Variants in PLCE1 observed in about 807,000 individuals in gnomAD.
PLCE1 encodes 1-phosphatidylinositol 4,5-bisphosphate phosphodiesterase epsilon-1.
PLCE1 carries 119 observed loss-of-function variants against 242.8 expected under a neutral mutation model. That is an observed-to-expected ratio of 0.49 (90% CI 0.42 to 0.57). The LOEUF is 0.57. PLCE1 is among the 20% of genes least tolerant of loss of function. The pLI is 0.00. For synonymous variants in PLCE1, 945 were observed against 1,017.4 expected (o/e 0.93, Z 1.35); for missense variants, 2,441 against 2,788.8 (o/e 0.88, Z 2.81).
chr10:94,047,391 T>G (rs944935570), intron 2 of PLCE1, among the ~76,000 whole-genome samples: 4 of 152,188 alleles, frequency 2.6e-5, no homozygotes, highest in Non-Finnish European at 1.5e-5. Flanking sequence ...GACCACCGTT[T>G]TCTTTCACAG....
intron 8 of PLCE1, among the ~76,000 whole-genome samples, 186 bp from the exon 9 acceptor site, chr10:94,252,130 G>T (rs1269442294): frequency 6.6e-6 from 1 of 152,212 alleles, no homozygotes; most frequent in Non-Finnish European, 1.5e-5. Context: ...GACAACGGGG[G>T]ACATGATGAA....
intron 4 of PLCE1, among the ~76,000 whole-genome samples, chr10:94,201,759 G>A (rs577126145): frequency 3.3e-5 from 5 of 152,262 alleles, no homozygotes; most frequent in Admixed American, 1.3e-4. Flanking sequence ...GATTACAGGC[G>A]TGAGCCACCA....
At position 94,316,644 on chromosome 10, in the gene PLCE1, A is replaced by G; in HGVS notation, c.6230A>G (p.Lys2077Arg). 6.2e-7 allele frequency: 1 copy of G among 1,611,450 alleles called. No homozygotes were observed. Among genetic ancestry groups the G allele is most frequent in the Non-Finnish European group, 8.5e-7 (1 of 1,177,512 alleles). Residue 2077 changes from lysine (K) to arginine (R), a missense_variant, in exon 29 of 33, where the codon AAA (lysine) becomes AGA (arginine). Physicochemically the swap from Lys to Arg is conservative, Grantham distance 26. Coordinates refer to ENST00000371380, the MANE Select transcript of PLCE1 (RefSeq NM_016341.4). ...FISKEKNECR[K>R]QPFQRAIGPE... ...TCTAAAGAAAAGAATGAATGTAGGA[A>G]ACAACCATTCCAGAGAGCCATTGGT...
intron 4 of PLCE1, among the ~76,000 whole-genome samples, chr10:94,205,568 AAGAGTCGGAAGCC>A (rs1257829298): frequency 3.3e-5 from 5 of 152,370 alleles, no homozygotes; most frequent in Non-Finnish European, 7.3e-5. Flanking sequence ...ACCAGCTGGC[AAGAGTCGGAAGCC>A]AGAAGTTGCC....
chr10:94,070,282 AAAG>A (rs2044314174), intron 2 of PLCE1, among the ~76,000 whole-genome samples: 1 of 152,208 alleles, frequency 6.6e-6, no homozygotes, highest in African/African-American at 2.4e-5. Context: ...TTTTAAACAT[AAAG>A]AAGGAGGCAT....
At chr10:94,263,608 C>A (rs1202048087) in intron 14 of PLCE1, among the ~76,000 whole-genome samples, 2 of 152,064 alleles carry the variant, frequency 1.3e-5, no homozygotes, top group East Asian at 3.9e-4. Context: ...ACGAGAATCG[C>A]TTGAGCCCAG....
In PLCE1 at chr10:94,308,863, A is replaced by G. The variant is rs140674855; in HGVS notation, c.6003+164A>G. On this transcript the variant is annotated intron_variant, in intron 27 of 32. Transcript: ENST00000371380. ...TTGGCACTGACTAAGCACTTTACGTATATACTAACTCAGTCCTCTCAATAA... is the reference window on the plus strand; with the variant it reads ...TTGGCACTGACTAAGCACTTTACGTGTATACTAACTCAGTCCTCTCAATAA... Among the ~76,000 whole-genome samples, 277 of 152,354 alleles carry G rather than the reference A, an allele frequency of 1.8e-3. 1 individual carries two copies. The highest frequency in any genetic ancestry group is 3.5e-3 in the Admixed American group (53 of 15,302).
At chr10:94,006,272 T>C (rs1278140983) in intron 1 of PLCE1, among the ~76,000 whole-genome samples, 6 of 152,248 alleles carry the variant, frequency 3.9e-5, no homozygotes, top group African/African-American at 1.4e-4. Flanking sequence ...TATTACTGTG[T>C]TTGACATGTA....
intron 4 of PLCE1, among the ~76,000 whole-genome samples, chr10:94,190,974 A>ACC (rs1183132151): frequency 6.6e-6 from 1 of 152,108 alleles, no homozygotes; most frequent in Non-Finnish European, 1.5e-5. Context: ...CTTTGGTAAC[A>ACC]CCCCCTGACA....
intron 3 of PLCE1, among the ~76,000 whole-genome samples, chr10:94,170,001 G>C (rs2047924137): frequency 6.6e-6 from 1 of 152,188 alleles, no homozygotes; most frequent in South Asian, 2.1e-4. Flanking sequence ...GAAGAAAGAA[G>C]TCAAATTCAG....
At chr10:94,035,636 T>C (rs991119727) in intron 2 of PLCE1, among the ~76,000 whole-genome samples, 1 of 152,140 alleles carries the variant, frequency 6.6e-6, no homozygotes, top group Admixed American at 6.6e-5. Flanking sequence ...AGGCTGGTTG[T>C]CCTGTCCTTT....
At chr10:94,323,440 A>G (rs2053894215) in intron 30 of PLCE1, among the ~76,000 whole-genome samples, 1 of 152,202 alleles carries the variant, frequency 6.6e-6, no homozygotes, top group Non-Finnish European at 1.5e-5. Context: ...CTCTTTGTAA[A>G]AGAAAGATAA....
chr10:94,246,464 C>T lies in PLCE1; in HGVS notation c.2939C>T (p.Thr980Ile). 1 of 1,614,158 alleles carries T rather than the reference C, an allele frequency of 6.2e-7. No individual in the cohort carries two copies. The highest frequency in any genetic ancestry group is 8.5e-7 in the Non-Finnish European group (1 of 1,180,012). The change falls in exon 8 of 33, where the codon ACC becomes ATC. Residue 980 changes from threonine (T) to isoleucine (I), a missense_variant. Physicochemically the swap from Thr to Ile is moderately conservative, Grantham distance 89. This residue lies in a region of PLCE1 where 1,004 missense variants were observed against 1,322.7 expected (regional missense o/e 0.76). Transcript: ENST00000371380. ...GTGACATTGCTCTATGGGCTTCAGA[C>T]CACAGACAACAGATTATTGCACTTC... Reference protein sequence around the residue: ...TGVTLLYGLQTTDNRLLHFVA... With the variant: ...TGVTLLYGLQITDNRLLHFVA...
At chr10:94,094,527 G>C (rs2045225254) in intron 2 of PLCE1, 1 of 152,218 alleles carries the variant, frequency 6.6e-6, no homozygotes, top group Admixed American at 6.5e-5. Context: ...AAGGAAGACT[G>C]CCTAGAGGAA....
In PLCE1 at chr10:94,328,077, CAT is replaced by C. The variant is rs1424471445; in HGVS notation, c.*135_*136del. On this transcript the variant is annotated 3_prime_UTR_variant, in exon 33 of 33. Coordinates refer to ENST00000371380, the MANE Select transcript of PLCE1 (RefSeq NM_016341.4). ...TGATTTCTGAACTGAAGCCTTCACA[CAT>C]GTGAGATCCATGCTGAGGAGAAGCA... is the stretch of plus-strand genomic sequence containing the variant. 43 of 471,426 alleles carry C rather than the reference CAT, an allele frequency of 9.1e-5. No individual in the cohort carries two copies. The highest frequency in any genetic ancestry group is 8.8e-6 in the Non-Finnish European group (2 of 227,966). 29.2% of individuals were successfully genotyped at this position (471,426 alleles called of 1,614,324 possible).
chr10:94,011,723 C>A (rs2061171706), intron 1 of PLCE1, among the ~76,000 whole-genome samples: 1 of 152,136 alleles, frequency 6.6e-6, no homozygotes, highest in Non-Finnish European at 1.5e-5. Flanking sequence ...TGTTTGTCAG[C>A]CCCTGAAAAT....
chr10:94,142,441 C>T (rs2047000811), intron 3 of PLCE1, among the ~76,000 whole-genome samples: 2 of 151,758 alleles, frequency 1.3e-5, no homozygotes, highest in African/African-American at 2.4e-5. Flanking sequence ...ATCACTGTAG[C>T]CCAGGAATTT....
intron 1 of PLCE1, among the ~76,000 whole-genome samples, chr10:94,024,911 A>G (rs995059388): frequency 6.6e-6 from 1 of 152,252 alleles, no homozygotes; most frequent in African/African-American, 2.4e-5. Flanking sequence ...AATAGGTATG[A>G]TAATAATACT....
intron 4 of PLCE1, among the ~76,000 whole-genome samples, chr10:94,212,489 C>T (rs1452537321): frequency 6.6e-6 from 1 of 152,164 alleles, no homozygotes; most frequent in African/African-American, 2.4e-5. Context: ...ATCTCCTGAC[C>T]TTGTGATCCA....
Sources: gnomAD v4.1 joint callset for allele counts (sites outside exome capture counted in the v4.1 genomes callset) on GRCh38, gnomAD v4.1.1 for gene constraint, gnomAD v4.1.1 regional missense constraint, MANE v1.5 for transcripts, NCBI Gene and HGNC (gene_info 2026-07-23, HGNC 2026-07-21) for gene names.